Variants in LRBA observed in about 807,000 individuals in gnomAD.
LRBA encodes lipopolysaccharide-responsive and beige-like anchor protein.
In LRBA, 176 loss-of-function variants were observed where a neutral mutation model predicts 330.0. The observed-to-expected ratio is 0.53, with a 90% CI of 0.47 to 0.60. The LOEUF is 0.60. LRBA is among the 20% of genes least tolerant of loss of function. The pLI, the probability that LRBA is intolerant of heterozygous loss-of-function variation, is 0.00. For missense variants in LRBA, 3,259 were observed against 3,444.8 expected (o/e 0.95, Z 1.35); for synonymous variants, 1,230 against 1,193.0 (o/e 1.03, Z -0.64).
intron 31 of LRBA, among the ~76,000 whole-genome samples, chr4:150,813,941 G>T (rs1578867692): frequency 1.3e-5 from 2 of 152,076 alleles, no homozygotes; most frequent in East Asian, 3.9e-4. Flanking sequence ...ACCTTACAAT[G>T]GTTTATCATG....
At chr4:150,273,172 AAAT>A (rs1346720711) in intron 56 of LRBA, among the ~76,000 whole-genome samples, 93 of 152,338 alleles carry the variant, frequency 6.1e-4, no homozygotes, top group African/African-American at 2.2e-3. Context: ...TTCTCTAAGA[AAAT>A]AATTCTCAAC....
chr4:150,312,962 A>T (rs1005601498), intron 51 of LRBA, among the ~76,000 whole-genome samples: 1 of 151,842 alleles, frequency 6.6e-6, no homozygotes, highest in Non-Finnish European at 1.5e-5. Context: ...ATAAACATTT[A>T]TTAAACTTTA....
intron 37 of LRBA, among the ~76,000 whole-genome samples, chr4:150,651,392 T>C (rs2126769784): frequency 6.6e-6 from 1 of 152,180 alleles, no homozygotes; most frequent in East Asian, 1.9e-4. Context: ...CTGGCATAGA[T>C]AAGTACTTAA....
chr4:150,653,603 C>T lies in LRBA; in HGVS notation c.5921+29948G>A, dbSNP rs187010632. 4.1e-3 allele frequency among the ~76,000 whole-genome samples: 630 copies of T among 152,260 alleles called. 5 individuals are homozygous for T. Among genetic ancestry groups the T allele is most frequent in the African/African-American group, 0.015 (609 of 41,552 alleles). ...CTAGGTGTGAGAGGGCCCGCTGCTA[C>T]CAGATTGTTTGTCATTTCTAGGCCA... On this transcript the variant is annotated intron_variant, in intron 37 of 56. Transcript: ENST00000651943.
chr4:150,889,491 G>A (rs146335701), intron 17 of LRBA, among the ~76,000 whole-genome samples: 42 of 152,210 alleles, frequency 2.8e-4, no homozygotes, highest in African/African-American at 3.9e-4. Flanking sequence ...CACAGCAGGC[G>A]GTGAGCACCA....
chr4:150,987,242 C>G (rs749093282), intron 2 of LRBA, among the ~76,000 whole-genome samples: 5 of 152,196 alleles, frequency 3.3e-5, no homozygotes, highest in African/African-American at 4.8e-5. Context: ...ATATTTTACT[C>G]CTACTCCAGT....
intron 35 of LRBA, among the ~76,000 whole-genome samples, chr4:150,739,193 G>A (rs1037931519): frequency 9.2e-5 from 14 of 152,084 alleles, no homozygotes; most frequent in African/African-American, 3.1e-4. Context: ...TTAGTATTTT[G>A]AGATTCTAAA....
intron 44 of LRBA, among the ~76,000 whole-genome samples, chr4:150,455,768 AT>A (rs902904429): frequency 2.0e-5 from 3 of 151,180 alleles, no homozygotes; most frequent in African/African-American, 7.3e-5. Flanking sequence ...TATCTTGATA[AT>A]TTTTTTTTGT....
chr4:150,966,207 C>T (rs367811282), intron 2 of LRBA, among the ~76,000 whole-genome samples: 34 of 152,112 alleles, frequency 2.2e-4, no homozygotes, highest in Middle Eastern at 6.8e-3. Flanking sequence ...GAATCAGCAA[C>T]TTATGAGGCA....
At position 150,293,200 on chromosome 4, in the gene LRBA, C is replaced by T. The variant is rs191443452; in HGVS notation, c.8018-7166G>A. 2.6e-3 allele frequency among the ~76,000 whole-genome samples: 401 copies of T among 152,204 alleles called. 3 individuals are homozygous for T. Among genetic ancestry groups the T allele is most frequent in the African/African-American group, 9.1e-3 (377 of 41,536 alleles). On this transcript the variant is annotated intron_variant, in intron 53 of 56. Transcript: ENST00000651943. ...TGTACCATTTAGTTACAATTGATTA[C>T]TACAAAACATTCATGTGAAAACTGA...
rs1283025545 is a variant in LRBA, at chr4:150,777,927, T to C, written c.5581-16080A>G. On this transcript the variant is annotated intron_variant, in intron 34 of 56. Transcript: ENST00000651943. ...AGGCAGAGGTTGCAGTGAGCCAAGA[T>C]CACACCACTGCATTCCAGCCTGGAG... Among the ~76,000 whole-genome samples the C allele has an allele frequency of 5.8e-5, 7 of 119,678 alleles. No individual in the cohort carries two copies. The Admixed American group carries it at 8.5e-4, about 15-fold the overall frequency. 78.5% of individuals were successfully genotyped at this position (119,678 alleles called of 152,430 possible). A position where few individuals can be genotyped will look rare whatever the true frequency, so the allele number is the denominator to read the frequency against.
At chr4:150,690,927 CTTTT>C (rs70941427) in intron 36 of LRBA, among the ~76,000 whole-genome samples, 5 of 106,302 alleles carry the variant, frequency 4.7e-5, no homozygotes, top group African/African-American at 6.5e-5. Flanking sequence ...AACACCTGGT[CTTTT>C]TTTTTTTTTT....
chr4:150,453,121 C>A (rs1444714706), intron 44 of LRBA, among the ~76,000 whole-genome samples: 2 of 151,862 alleles, frequency 1.3e-5, no homozygotes, highest in African/African-American at 2.4e-5. Context: ...TATTTTTACC[C>A]AAAATGATCT....
At chr4:150,685,416 ATATATTTTTTTTTTT>A (rs1372660066) in intron 36 of LRBA, among the ~76,000 whole-genome samples, 1 of 20,126 alleles carries the variant, frequency 5.0e-5, no homozygotes, top group African/African-American at 2.0e-4. Flanking sequence ...ATATATATAT[ATATATTTTTTTTTTT>A]TTTTTTTTTT....
In LRBA at chr4:150,373,349, C is replaced by G. The variant is rs377662999; in HGVS notation, c.7195-23190G>C. ...TAGCAACAAACAACCAATACAACTC[C>G]TGGTCCATATTTTTCTCAGACCTGC... On this transcript the variant is annotated intron_variant, in intron 47 of 56. Coordinates refer to ENST00000651943, the MANE Select transcript of LRBA (RefSeq NM_001364905.1). Among the ~76,000 whole-genome samples, 161 of 152,160 alleles carry G rather than the reference C, an allele frequency of 1.1e-3. 4 individuals carry two copies. Among genetic ancestry groups the G allele is most frequent in the African/African-American group, 3.8e-3 (158 of 41,516 alleles).
chr4:150,927,198 C>G (rs1029383146), intron 4 of LRBA, among the ~76,000 whole-genome samples: 5 of 151,262 alleles, frequency 3.3e-5, no homozygotes, highest in Admixed American at 2.0e-4. Context: ...CATGGCAAAA[C>G]CCCGTCTCTA....
At chr4:150,763,218 G>A (rs552559931) in intron 34 of LRBA, among the ~76,000 whole-genome samples, 1 of 152,078 alleles carries the variant, frequency 6.6e-6, no homozygotes, top group East Asian at 1.9e-4. Flanking sequence ...CAAGGAATGA[G>A]CAAGAAACAA....
chr4:150,400,445 G>A (rs771635966), intron 47 of LRBA, among the ~76,000 whole-genome samples: 3 of 152,080 alleles, frequency 2.0e-5, no homozygotes, highest in Non-Finnish European at 4.4e-5. Flanking sequence ...CTTTTAAAAC[G>A]AATTTGAGTC....
chr4:150,680,616 G>A (rs1482367981), intron 37 of LRBA, among the ~76,000 whole-genome samples: 1 of 152,170 alleles, frequency 6.6e-6, no homozygotes, highest in East Asian at 1.9e-4. Context: ...TCATCATTGT[G>A]TTATCCATAA....
Sources: gnomAD v4.1 joint callset for allele counts (sites outside exome capture counted in the v4.1 genomes callset) on GRCh38, gnomAD v4.1.1 for gene constraint, MANE v1.5 for transcripts, NCBI Gene and HGNC (gene_info 2026-07-23, HGNC 2026-07-21) for gene names.